Variants in PCDH9 observed in about 807,000 individuals in gnomAD.
PCDH9 encodes the protein protocadherin-9.
In PCDH9, 24 loss-of-function variants were observed where a neutral mutation model predicts 70.6. The observed-to-expected ratio is 0.34, with a 90% CI of 0.25 to 0.48. PCDH9 has a LOEUF of 0.48. Ranked by LOEUF, PCDH9 falls within the 20% of genes least tolerant of loss-of-function variation. PCDH9 has a pLI of 0.99. For missense variants in PCDH9, 1,281 were observed against 1,503.6 expected (o/e 0.85, Z 2.45); for synonymous variants, 562 against 558.5 (o/e 1.01, Z -0.09).
chr13:67,078,869 T>C (rs1242416751), intron 2 of PCDH9, among the ~76,000 whole-genome samples: 1 of 152,140 alleles, frequency 6.6e-6, no homozygotes, highest in Non-Finnish European at 1.5e-5. Flanking sequence ...TATATCTAAA[T>C]CTTTCACTGC....
At chr13:67,188,052 A>G (rs2088806636) in intron 2 of PCDH9, among the ~76,000 whole-genome samples, 1 of 152,136 alleles carries the variant, frequency 6.6e-6, no homozygotes, top group South Asian at 2.1e-4. Context: ...CAAGAGTATA[A>G]TAGAATTGTA....
At chr13:67,165,059 T>C (rs79768641) in intron 2 of PCDH9, among the ~76,000 whole-genome samples, 9,373 of 152,234 alleles carry the variant, frequency 0.062, 435 homozygotes, top group African/African-American at 0.11. Flanking sequence ...GTGTAGGTAC[T>C]TGATAAAGTG....
rs907549295 is a variant in PCDH9, at chr13:66,765,768, A to G, written c.3139-134357T>C. On this transcript the variant is annotated intron_variant, in intron 3 of 4. Transcript: ENST00000377865. ...AGGTCATGTTTACTTTCACTCAGAT[A>G]TGTTTAGTGTTTAGCTGTGGGAGAA... Among the ~76,000 whole-genome samples, 3 of 152,064 alleles carry G rather than the reference A, an allele frequency of 2.0e-5. No homozygotes were observed. In the South Asian group the frequency reaches 6.2e-4, roughly 31 times the overall value.
Position 66,304,837 on chromosome 13 carries a change from T to C in PCDH9, c.3532A>G (p.Thr1178Ala), listed in dbSNP as rs1352559771. ...VKKDKLVNGHTLTRAWKEDSN... is the reference protein window; with the variant it reads ...VKKDKLVNGHALTRAWKEDSN... ...TCTTCTTTCCAGGCTCTGGTCAGGG[T>C]GTGCCCATTCACAAGCTTGTCCTTC... The change falls in exon 5 of 5, where the codon ACC (threonine) becomes GCC (alanine). Residue 1178 changes from threonine (T) to alanine (A), a missense_variant. This residue lies in a region of PCDH9 where 264 missense variants were observed against 278.8 expected (regional missense o/e 0.95). Coordinates refer to ENST00000377865, the MANE Select transcript of PCDH9 (RefSeq NM_203487.3). 2 of 1,613,412 alleles carry C rather than the reference T, an allele frequency of 1.2e-6. No individual in the cohort carries two copies. Among genetic ancestry groups the C allele is most frequent in the African/African-American group, 2.7e-5 (2 of 74,858 alleles).
At chr13:67,182,072 C>G (rs2088631114) in intron 2 of PCDH9, among the ~76,000 whole-genome samples, 1 of 152,122 alleles carries the variant, frequency 6.6e-6, no homozygotes, top group Admixed American at 6.6e-5. Flanking sequence ...TCACTTGTTA[C>G]CAACATCAGT....
At chr13:66,805,161 T>A (rs1413087229) in intron 3 of PCDH9, among the ~76,000 whole-genome samples, 1 of 152,228 alleles carries the variant, frequency 6.6e-6, no homozygotes, top group African/African-American at 2.4e-5. Context: ...CAGAGCCAAC[T>A]TTGTTCAATG....
intron 4 of PCDH9, among the ~76,000 whole-genome samples, chr13:66,628,815 T>A (rs1315054215): frequency 6.6e-6 from 1 of 152,246 alleles, no homozygotes; most frequent in African/African-American, 2.4e-5. Flanking sequence ...AAGGTATATA[T>A]AACATAATTT....
chr13:66,355,728 T>C (rs993396749), intron 4 of PCDH9, among the ~76,000 whole-genome samples: 2 of 152,130 alleles, frequency 1.3e-5, no homozygotes, highest in Admixed American at 6.6e-5. Context: ...GATTGTTTGA[T>C]GAAAATAAAG....
intron 4 of PCDH9, among the ~76,000 whole-genome samples, chr13:66,363,050 A>G (rs929235571): frequency 2.0e-5 from 3 of 152,044 alleles, no homozygotes; most frequent in African/African-American, 7.2e-5. Flanking sequence ...GCGGTGGCAC[A>G]CGCCTGTAAT....
chr13:66,394,018 G>T (rs752200953), intron 4 of PCDH9, among the ~76,000 whole-genome samples: 19 of 152,222 alleles, frequency 1.2e-4, no homozygotes, highest in Non-Finnish European at 2.2e-4. Flanking sequence ...GGGTTGTGAA[G>T]CTGAGGAGGA....
intron 4 of PCDH9, among the ~76,000 whole-genome samples, chr13:66,309,584 A>T (rs1955527057): frequency 6.6e-6 from 1 of 151,954 alleles, no homozygotes; most frequent in African/African-American, 2.4e-5. Flanking sequence ...ACAGGGTTTT[A>T]AATCTCAGAT....
chr13:67,010,299 C>A (rs2084429137), intron 2 of PCDH9, among the ~76,000 whole-genome samples: 2 of 151,946 alleles, frequency 1.3e-5, no homozygotes, highest in African/African-American at 4.8e-5. Flanking sequence ...CTACAGGACT[C>A]CAAAGCCTTA....
intron 4 of PCDH9, among the ~76,000 whole-genome samples, chr13:66,417,033 T>A (rs1270742341): frequency 2.6e-5 from 4 of 152,154 alleles, no homozygotes; most frequent in Non-Finnish European, 5.9e-5. Flanking sequence ...ATAAATGAAT[T>A]TTTTTTATTA....
chr13:66,505,094 T>G (rs991741636), intron 4 of PCDH9, among the ~76,000 whole-genome samples: 2 of 152,210 alleles, frequency 1.3e-5, no homozygotes, highest in African/African-American at 4.8e-5. Context: ...TGCTAATTTA[T>G]TTCATTTCTC....
intron 4 of PCDH9, among the ~76,000 whole-genome samples, chr13:66,436,859 T>A (rs1957875467): frequency 7.1e-6 from 1 of 141,238 alleles, no homozygotes; most frequent in Non-Finnish European, 1.5e-5. Context: ...TGTGCCAAGT[T>A]TTTTTATTGA....
intron 2 of PCDH9, among the ~76,000 whole-genome samples, chr13:67,089,682 A>G (rs1194499441): frequency 6.6e-6 from 1 of 152,054 alleles, no homozygotes; most frequent in Non-Finnish European, 1.5e-5. Context: ...TTTTAAATAC[A>G]CAAGGGAAAC....
chr13:66,371,727 A>G (rs1328453270), intron 4 of PCDH9, among the ~76,000 whole-genome samples: 2 of 152,136 alleles, frequency 1.3e-5, no homozygotes, highest in Non-Finnish European at 2.9e-5. Context: ...CCAGGCTAAT[A>G]AACTAAGAAC....
At chr13:67,078,881 T>C (rs1313401516) in intron 2 of PCDH9, among the ~76,000 whole-genome samples, 1 of 152,120 alleles carries the variant, frequency 6.6e-6, no homozygotes, top group African/African-American at 2.4e-5. Context: ...TTTCACTGCA[T>C]TGAAATAAAT....
chr13:66,995,131 T>A (rs2084086115), intron 2 of PCDH9, among the ~76,000 whole-genome samples: 1 of 152,178 alleles, frequency 6.6e-6, no homozygotes, highest in Non-Finnish European at 1.5e-5. Flanking sequence ...TGTCATGGCA[T>A]AAGTCACATT....
Sources: gnomAD v4.1 joint callset for allele counts (sites outside exome capture counted in the v4.1 genomes callset) on GRCh38, gnomAD v4.1.1 for gene constraint, gnomAD v4.1.1 regional missense constraint, MANE v1.5 for transcripts, NCBI Gene and HGNC (gene_info 2026-07-23, HGNC 2026-07-21) for gene names.